The following GPC5 variants were observed in gnomAD, a reference collection of about 807,000 sequenced individuals.
The protein encoded by GPC5 is glypican-5.
A neutral mutation model predicts 53.9 loss-of-function variants in GPC5; 47 were observed. That is an observed-to-expected ratio of 0.87 (90% CI 0.69 to 1.11). GPC5 has a LOEUF of 1.11. Among genes scored for constraint, GPC5 ranks in the 50% most tolerant of loss-of-function variants. The pLI is 0.00. For synonymous variants in GPC5, 286 were observed against 263.3 expected, an observed-to-expected ratio of 1.09 and a Z score of -0.84; for missense variants, 748 against 713.1, an observed-to-expected ratio of 1.05 and a Z score of -0.56.
At chr13:92,839,917 C>T (rs1878364356) in intron 7 of GPC5, among the ~76,000 whole-genome samples, 1 of 151,614 alleles carries the variant, frequency 6.6e-6, no homozygotes, top group Admixed American at 6.6e-5. Flanking sequence ...CACTCAAGTT[C>T]CCTTGGAATA....
chr13:91,650,399 G>C (rs2034669853), intron 2 of GPC5, among the ~76,000 whole-genome samples: 1 of 149,548 alleles, frequency 6.7e-6, no homozygotes, highest in Non-Finnish European at 1.5e-5. Flanking sequence ...TAAACTTGTA[G>C]TATATATTTT....
intron 7 of GPC5, among the ~76,000 whole-genome samples, chr13:92,567,493 G>A (rs566311924): frequency 2.0e-5 from 3 of 152,120 alleles, no homozygotes; most frequent in Non-Finnish European, 4.4e-5. Flanking sequence ...GTTAAAAATG[G>A]CATGAATGCT....
At chr13:91,659,743 G>T (rs903796885) in intron 2 of GPC5, among the ~76,000 whole-genome samples, 6 of 152,060 alleles carry the variant, frequency 3.9e-5, no homozygotes, top group Non-Finnish European at 7.4e-5. Context: ...ATTACCACCT[G>T]TCCCCCACCG....
intron 2 of GPC5, among the ~76,000 whole-genome samples, chr13:91,622,994 C>CTT: frequency 6.6e-6 from 1 of 152,054 alleles, no homozygotes; most frequent in South Asian, 2.1e-4. Flanking sequence ...AGAATGAACT[C>CTT]TAACAATATT....
In GPC5 at chr13:91,952,296, T is replaced by C. The variant is rs73612919; in HGVS notation, c.1401+44239T>C. ...TTCTTCACAACAAATATTCATTAGA[T>C]GTTAGCACCACTTCAAAGATTAAAA... On this transcript the variant is annotated intron_variant, in intron 6 of 7. Coordinates refer to ENST00000377067, the MANE Select transcript of GPC5 (RefSeq NM_004466.6). 1.8e-3 allele frequency among the ~76,000 whole-genome samples: 273 copies of C among 152,244 alleles called. 1 individual carries two copies. The highest frequency in any genetic ancestry group is 6.3e-3 in the African/African-American group (263 of 41,564).
chr13:92,819,337 G>T (rs1877596706), intron 7 of GPC5, among the ~76,000 whole-genome samples: 1 of 152,116 alleles, frequency 6.6e-6, no homozygotes, highest in Admixed American at 6.6e-5. Context: ...AGCACTGAAA[G>T]AATTTTTAAA....
intron 7 of GPC5, among the ~76,000 whole-genome samples, chr13:92,419,860 C>T (rs1178974210): frequency 6.6e-6 from 1 of 152,158 alleles, no homozygotes; most frequent in African/African-American, 2.4e-5. Flanking sequence ...TTCTTTCCTT[C>T]AGGAAAGTCA....
intron 7 of GPC5, among the ~76,000 whole-genome samples, chr13:92,353,329 G>A (rs1202451855): frequency 4.7e-5 from 7 of 149,768 alleles, no homozygotes; most frequent in African/African-American, 1.7e-4. Flanking sequence ...CTGCCAGATA[G>A]TCATACGATG....
chr13:91,656,443 C>T (rs878961322), intron 2 of GPC5, among the ~76,000 whole-genome samples: 2 of 152,214 alleles, frequency 1.3e-5, no homozygotes, highest in Admixed American at 1.3e-4. Flanking sequence ...GGACCATAGC[C>T]TAATATTTGC....
intron 6 of GPC5, among the ~76,000 whole-genome samples, chr13:92,084,835 G>A (rs1594756989): frequency 6.6e-6 from 1 of 152,170 alleles, no homozygotes; most frequent in Non-Finnish European, 1.5e-5. Context: ...TTCAAGTTGT[G>A]TTAATCCATT....
chr13:91,526,458 A>C (rs1190881604), intron 2 of GPC5, among the ~76,000 whole-genome samples: 2 of 152,316 alleles, frequency 1.3e-5, no homozygotes, highest in African/African-American at 4.8e-5. Flanking sequence ...GATAAGAAAA[A>C]ACAGGTATCA....
At chr13:92,735,017 T>TA (rs1161892662) in intron 7 of GPC5, among the ~76,000 whole-genome samples, 5 of 151,942 alleles carry the variant, frequency 3.3e-5, no homozygotes, top group Non-Finnish European at 5.9e-5. Context: ...AGCAGAATTT[T>TA]ATCTAAGTTT....
chr13:92,593,055 G>A (rs765249226), intron 7 of GPC5, among the ~76,000 whole-genome samples: 7 of 151,204 alleles, frequency 4.6e-5, no homozygotes, highest in Non-Finnish European at 8.9e-5. Flanking sequence ...AGAGTGGAGT[G>A]AATGAGGTTG....
chr13:91,870,618 C>T (rs961304821), intron 5 of GPC5, among the ~76,000 whole-genome samples: 1 of 152,190 alleles, frequency 6.6e-6, no homozygotes, highest in African/African-American at 2.4e-5. Context: ...TAACATCCCT[C>T]ATCAACTGGA....
At chr13:91,891,477 G>A (rs2039385940) in intron 5 of GPC5, among the ~76,000 whole-genome samples, 1 of 152,104 alleles carries the variant, frequency 6.6e-6, no homozygotes, top group Non-Finnish European at 1.5e-5. Context: ...TAAAGAGATA[G>A]CAAATTTTTA....
chr13:92,434,121 T>C (rs1036730429), intron 7 of GPC5, among the ~76,000 whole-genome samples: 1 of 152,158 alleles, frequency 6.6e-6, no homozygotes. Flanking sequence ...TTGCCCTCAT[T>C]GGGAGAAATG....
rs9556108 is a variant in GPC5, at chr13:91,677,851, C to G, written c.326-15336C>G. Among the ~76,000 whole-genome samples, 69 of 152,232 alleles carry G rather than the reference C, an allele frequency of 4.5e-4. 2 individuals carry two copies. The East Asian group carries it at 0.012, about 27-fold the overall frequency. On this transcript the variant is annotated intron_variant, in intron 2 of 7. Transcript: ENST00000377067. ...TGCATTTAAAAAGGGCTGCTAGTAT[C>G]CCATAGCAAAAATCACATAATTGTT...
chr13:92,641,362 C>T (rs1451123367), intron 7 of GPC5, among the ~76,000 whole-genome samples: 1 of 151,846 alleles, frequency 6.6e-6, no homozygotes, highest in Non-Finnish European at 1.5e-5. Flanking sequence ...AAGAAACATC[C>T]GGTAAAATTA....
intron 2 of GPC5, among the ~76,000 whole-genome samples, chr13:91,571,306 T>C (rs2031769070): frequency 6.6e-6 from 1 of 152,082 alleles, no homozygotes; most frequent in African/African-American, 2.4e-5. Context: ...AGAGGAAAAA[T>C]GATTTTTTAG....
Sources: allele counts gnomAD v4.1 joint callset (sites outside exome capture counted in the v4.1 genomes callset), GRCh38; gene constraint gnomAD v4.1.1; transcripts MANE v1.5; gene names NCBI Gene and HGNC (gene_info 2026-07-23, HGNC 2026-07-21).